The following RIC1 variants were observed in gnomAD, a reference collection of about 807,000 sequenced individuals.
The protein encoded by RIC1 is guanine nucleotide exchange factor subunit RIC1.
A neutral mutation model predicts 169.0 loss-of-function variants in RIC1; 88 were observed. The ratio of observed to expected loss-of-function variants is 0.52; its 90% confidence interval spans 0.44 to 0.62. The LOEUF is 0.62. Ranked by LOEUF, RIC1 falls within the 20% of genes least tolerant of loss-of-function variation. RIC1 has a pLI of 0.00. For synonymous variants in RIC1, 790 were observed against 601.5 expected, an observed-to-expected ratio of 1.31 and a Z score of -4.59; for missense variants, 1,877 against 1,725.5, an observed-to-expected ratio of 1.09 and a Z score of -1.56.
rs115720499 is a variant in RIC1, at chr9:5,664,611, A to C, written c.252+7921A>C. ...GTCTTGGGGTTGATCTTCTCAGGGA[A>C]TATCTTACTGAGGTTTTCTGCATTT... On this transcript the variant is annotated intron_variant, in intron 2 of 25. Coordinates refer to ENST00000414202, the MANE Select transcript of RIC1 (RefSeq NM_020829.4). Among the ~76,000 whole-genome samples the C allele has an allele frequency of 3.8e-3, 581 of 152,158 alleles. 1 individual carries two copies. The highest frequency in any genetic ancestry group is 0.013 in the African/African-American group (555 of 41,506).
In RIC1 at chr9:5,755,110, T is replaced by G. The variant is rs569286985; in HGVS notation, c.1692+180T>G. Among the ~76,000 whole-genome samples the G allele has an allele frequency of 4.4e-4, 67 of 152,352 alleles. 1 individual carries two copies. The highest frequency in any genetic ancestry group is 1.5e-3 in the African/African-American group (62 of 41,592). On this transcript the variant is annotated intron_variant, in intron 15 of 25. Coordinates refer to ENST00000414202, the MANE Select transcript of RIC1 (RefSeq NM_020829.4). ...TCAGGTTATTACTTTAAAAAATTAT[T>G]AAGTGACAATTGAGACTTTTAAGAT... is the stretch of plus-strand genomic sequence containing the variant.
intron 3 of RIC1, among the ~76,000 whole-genome samples, chr9:5,706,109 CT>C (rs1586984973): frequency 1.3e-5 from 2 of 152,112 alleles, no homozygotes; most frequent in East Asian, 3.9e-4. Context: ...CCATGGTTTC[CT>C]TTTCTTGCAG....
At chr9:5,747,258 T>C in intron 11 of RIC1, 44 bp from the exon 12 acceptor site, 2 of 1,493,858 alleles carry the variant, frequency 1.3e-6, no homozygotes, top group Non-Finnish European at 1.9e-6. Flanking sequence ...TTGTTTTTAT[T>C]TGTTTTCCTC....
At chr9:5,665,726 C>A (rs951168699) in intron 2 of RIC1, among the ~76,000 whole-genome samples, 2 of 152,044 alleles carry the variant, frequency 1.3e-5, no homozygotes, top group Non-Finnish European at 2.9e-5. Context: ...TACTCCAGAC[C>A]CTAGTTGCCT....
At chr9:5,708,288 G>C (rs1822719779) in intron 3 of RIC1, among the ~76,000 whole-genome samples, 1 of 151,820 alleles carries the variant, frequency 6.6e-6, no homozygotes, top group Non-Finnish European at 1.5e-5. Flanking sequence ...CTTGTCTTTT[G>C]AGTCATATAG....
At chr9:5,684,082 C>T (rs1295452308) in intron 2 of RIC1, among the ~76,000 whole-genome samples, 2 of 152,160 alleles carry the variant, frequency 1.3e-5, no homozygotes, top group Non-Finnish European at 2.9e-5. Context: ...TCCCTGACCC[C>T]TTGCGCTTCC....
intron 3 of RIC1, among the ~76,000 whole-genome samples, chr9:5,704,810 T>C (rs2381365): frequency 0.13 from 20,431 of 152,166 alleles, 3,113 homozygotes; most frequent in African/African-American, 0.37. Flanking sequence ...TTAGCTCTTA[T>C]ATTTAGAGTT....
chr9:5,709,283 C>T (rs1448670125), intron 3 of RIC1, among the ~76,000 whole-genome samples: 1 of 152,196 alleles, frequency 6.6e-6, no homozygotes, highest in African/African-American at 2.4e-5. Context: ...GTGTTCCCTT[C>T]CCTACTCCAT....
chr9:5,667,504 CT>C lies in RIC1; in HGVS notation c.252+10832del, dbSNP rs1171999345. Among the ~76,000 whole-genome samples, 237 of 131,188 alleles carry C rather than the reference CT, an allele frequency of 1.8e-3. 1 individual carries two copies. Among genetic ancestry groups the C allele is most frequent in the South Asian group, 9.9e-3 (41 of 4,154 alleles). The allele number at this position is 131,188 out of a possible 152,430, so 86.1% of individuals were successfully genotyped here. A position where few individuals can be genotyped will look rare whatever the true frequency, so the allele number is the denominator to read the frequency against. On this transcript the variant is annotated intron_variant, in intron 2 of 25. Coordinates refer to ENST00000414202, the MANE Select transcript of RIC1 (RefSeq NM_020829.4). ...ATTTGAAATGTCCCTCCACCGCCAC[CT>C]TTTTTTTTTTTTTTTTTGAGACAGC...
intron 2 of RIC1, among the ~76,000 whole-genome samples, chr9:5,671,434 C>A (rs925893812): frequency 6.6e-6 from 1 of 152,060 alleles, no homozygotes; most frequent in Non-Finnish European, 1.5e-5. Flanking sequence ...CGCCACCAGG[C>A]CCAACTAATT....
rs374631629 is a variant in RIC1, at chr9:5,700,014, CT to C, written c.332+9992del. On this transcript the variant is annotated intron_variant, in intron 3 of 25. Coordinates refer to ENST00000414202, the MANE Select transcript of RIC1 (RefSeq NM_020829.4). The stretch of plus-strand genomic sequence containing the variant: ...AACTGCATTAAGAAAAAAATTCCTA[CT>C]TTTTTTTTTTTTTTTCCTTTCACTG... Among the ~76,000 whole-genome samples the C allele has an allele frequency of 9.2e-3, 1,317 of 142,526 alleles. 10 individuals are homozygous for C. The highest frequency in any genetic ancestry group is 0.016 in the African/African-American group (619 of 39,026). The allele number at this position is 142,526 out of a possible 152,430, so 93.5% of individuals were successfully genotyped here.
chr9:5,652,487 G>C (rs1428210380), intron 1 of RIC1, among the ~76,000 whole-genome samples: 1 of 151,704 alleles, frequency 6.6e-6, no homozygotes. Flanking sequence ...TTGTTTTGTT[G>C]ATTTCTTTTT....
Position 5,765,785 on chromosome 9 carries a change from C to A in RIC1, c.3124C>A (p.Pro1042Thr), listed in dbSNP as rs758380231. 1 of 1,614,054 alleles carries A rather than the reference C, an allele frequency of 6.2e-7. No individual in the cohort carries two copies. Residue 1042 changes from proline (P) to threonine (T), a missense_variant, in exon 21 of 26, where the codon CCC (proline) becomes ACC (threonine). Around this residue, in one of 3 missense-constraint regions of RIC1, gnomAD observed 681 missense variants for 582.0 expected, o/e 1.17. Coordinates refer to ENST00000414202, the MANE Select transcript of RIC1 (RefSeq NM_020829.4). ...GAAAACACTAAGTATGCCATCTGGT[C>A]CCTCTGGAAAAAGGTAAAATAATAA... Reference protein sequence around the residue: ...LQKTLSMPSGPSGKRWSKDSD... With the variant: ...LQKTLSMPSGTSGKRWSKDSD...
At chr9:5,765,339 A>G (rs1826651204) in intron 19 of RIC1, 75 bp from the exon 20 acceptor site, 4 of 1,471,376 alleles carry the variant, frequency 2.7e-6, no homozygotes, top group Non-Finnish European at 3.7e-6. Flanking sequence ...AGTTTAGAAA[A>G]CGAGATAAAG....
At chr9:5,706,351 C>G (rs563989179) in intron 3 of RIC1, among the ~76,000 whole-genome samples, 3 of 152,270 alleles carry the variant, frequency 2.0e-5, no homozygotes, top group African/African-American at 7.2e-5. Flanking sequence ...ACTCGGGAGG[C>G]TAAGGCAGGA....
intron 3 of RIC1, among the ~76,000 whole-genome samples, chr9:5,703,601 A>T (rs940614411): frequency 6.6e-6 from 1 of 152,174 alleles, no homozygotes; most frequent in African/African-American, 2.4e-5. Flanking sequence ...TGTCTTATTT[A>T]ATTGCTGGAT....
At chr9:5,745,395 T>G (rs770678768) in intron 10 of RIC1, among the ~76,000 whole-genome samples, 1 of 152,154 alleles carries the variant, frequency 6.6e-6, no homozygotes, top group Non-Finnish European at 1.5e-5. Context: ...ACCTTCTCAT[T>G]TTACAGAGGA....
chr9:5,643,239 C>G (rs1818338150), intron 1 of RIC1, among the ~76,000 whole-genome samples: 1 of 152,132 alleles, frequency 6.6e-6, no homozygotes, highest in Non-Finnish European at 1.5e-5. Flanking sequence ...CCTGGGATGT[C>G]TTGATTCATA....
Position 5,693,822 on chromosome 9 carries a change from A to AT in RIC1, c.332+3791dup, listed in dbSNP as rs568063308. Among the ~76,000 whole-genome samples the AT allele has an allele frequency of 7.3e-4, 111 of 151,666 alleles. 2 individuals are homozygous for AT. The highest frequency in any genetic ancestry group is 2.5e-3 in the African/African-American group (102 of 41,332). ...CATGTATACTTTGTTGAGAGCAGAGATTTTTTTCCCCCTTCTTCCTGTCTT... is the reference window on the plus strand; with the variant it reads ...CATGTATACTTTGTTGAGAGCAGAGATTTTTTTTCCCCCTTCTTCCTGTCTT... On this transcript the variant is annotated intron_variant, in intron 3 of 25. Transcript: ENST00000414202.
Sources: allele counts gnomAD v4.1 joint callset (sites outside exome capture counted in the v4.1 genomes callset), GRCh38; gene constraint gnomAD v4.1.1; regional missense constraint gnomAD v4.1.1; transcripts MANE v1.5; gene names NCBI Gene and HGNC (gene_info 2026-07-23, HGNC 2026-07-21).